The following ZSCAN26 variants were observed in gnomAD, a reference collection of about 807,000 sequenced individuals.
ZSCAN26 encodes the protein zinc finger and SCAN domain containing 26.
Under a neutral mutation model 23.0 loss-of-function variants are expected in ZSCAN26, and 26 were observed. The observed-to-expected ratio is 1.13, with a 90% CI of 0.83 to 1.57. The LOEUF (loss-of-function observed/expected upper bound fraction) is 1.57, where lower values mean the gene tolerates loss of function less well. Among genes scored for constraint, ZSCAN26 ranks in the 40% most tolerant of loss-of-function variants. The pLI is 0.00. For missense variants in ZSCAN26, 528 were observed against 568.5 expected (o/e 0.93, Z 0.72); for synonymous variants, 180 against 202.5 (o/e 0.89, Z 0.94).
chr6:28,275,005 A>G (rs1409972178), intron 3 of ZSCAN26, among the ~76,000 whole-genome samples: 1 of 152,092 alleles, frequency 6.6e-6, no homozygotes, highest in African/African-American at 2.4e-5. Context: ...ACATTATTAC[A>G]TTATTTAATT....
Position 28,277,945 on chromosome 6 carries a change from C to T in ZSCAN26, c.*849C>T, listed in dbSNP as rs1474984262. 1.3e-5 allele frequency: 2 copies of T among 152,154 alleles called. No homozygotes were observed. Among genetic ancestry groups the T allele is most frequent in the Non-Finnish European group, 2.9e-5 (2 of 68,026 alleles). 9.4% of individuals were successfully genotyped at this position (152,154 alleles called of 1,614,324 possible). A position where few individuals can be genotyped will look rare whatever the true frequency, so the allele number is the denominator to read the frequency against. On this transcript the variant is annotated 3_prime_UTR_variant, in exon 4 of 4. Coordinates refer to ENST00000421553, the MANE Select transcript of ZSCAN26 (RefSeq NM_001023560.4). The stretch of plus-strand genomic sequence containing the variant: ...GAAATTGGACTTTTTCCCTTTAATA[C>T]TGATGATGCAATTTTGAAATGTTGC...
chr6:28,275,730 A>C (rs1761903040), intron 3 of ZSCAN26, among the ~76,000 whole-genome samples: 1 of 152,186 alleles, frequency 6.6e-6, no homozygotes, highest in South Asian at 2.1e-4. Flanking sequence ...GATTTACCTT[A>C]CTTTTTTAAG....
chr6:28,272,592 C>T, intron 2 of ZSCAN26, 78 bp from the exon 3 acceptor site: 7 of 1,221,922 alleles, frequency 5.7e-6, no homozygotes, highest in South Asian at 2.9e-5. Context: ...TTTTTTAACA[C>T]CTAGGTGTTT....
chr6:28,271,690 A>G (rs1561873766), intron 1 of ZSCAN26, among the ~76,000 whole-genome samples, 164 bp from the exon 2 acceptor site: 1 of 152,186 alleles, frequency 6.6e-6, no homozygotes. Flanking sequence ...TCTACATTAG[A>G]TGGTATTCTG....
chr6:28,267,927 A>G (rs956436024), intron 1 of ZSCAN26, among the ~76,000 whole-genome samples: 5 of 152,330 alleles, frequency 3.3e-5, no homozygotes, highest in Non-Finnish European at 1.5e-5. Flanking sequence ...AGATAAGGAT[A>G]TCTTGAGCCA....
chr6:28,273,302 G>T (rs900627722), intron 3 of ZSCAN26, among the ~76,000 whole-genome samples: 2 of 152,146 alleles, frequency 1.3e-5, no homozygotes, highest in Non-Finnish European at 1.5e-5. Context: ...CAACACTTTG[G>T]GGGGCCAAGG....
intron 1 of ZSCAN26, among the ~76,000 whole-genome samples, chr6:28,269,435 A>G (rs961307440): frequency 6.6e-6 from 1 of 152,164 alleles, no homozygotes; most frequent in African/African-American, 2.4e-5. Context: ...GAGATTTACT[A>G]TAGGGAATTA....
rs752024303 is a variant in ZSCAN26 at position 28,276,739 on chromosome 6, C to T, written c.1083C>T (p.His361=). 6.2e-7 allele frequency: 1 copy of T among 1,613,734 alleles called. No individual in the cohort carries two copies. Among genetic ancestry groups the T allele is most frequent in the Non-Finnish European group, 8.5e-7 (1 of 1,179,780 alleles). ...SSHLNRHQRI[H]SQEEPCECKE... is the part of the protein sequence containing the mutation. ...ACCTTAATCGACATCAGAGAATTCA[C>T]AGTCAGGAGGAGCCCTGTGAGTGCA... The change falls in exon 4 of 4, where the codon CAC becomes CAT. Residue 361 remains histidine, a synonymous_variant. Coordinates refer to ENST00000421553, the MANE Select transcript of ZSCAN26 (RefSeq NM_001023560.4).
intron 2 of ZSCAN26, 148 bp downstream of exon 2, chr6:28,272,487 C>T: frequency 8.9e-7 from 1 of 1,120,988 alleles, no homozygotes; most frequent in Middle Eastern, 2.6e-4. Context: ...TAGGTCTTAC[C>T]TCAACCTTAC....
intron 2 of ZSCAN26, 21 bp from the exon 3 acceptor site, chr6:28,272,649 C>A: frequency 6.5e-7 from 1 of 1,548,082 alleles, no homozygotes; most frequent in East Asian, 2.3e-5. Flanking sequence ...ATTATGCCTC[C>A]ATATACCTAA....
chr6:28,269,678 T>C (rs1182920226), intron 1 of ZSCAN26, among the ~76,000 whole-genome samples: 1 of 152,208 alleles, frequency 6.6e-6, no homozygotes, highest in Non-Finnish European at 1.5e-5. Context: ...TGAAGCATTT[T>C]AGACAGGAAG....
rs1181570956 is a variant in ZSCAN26 at position 28,277,827 on chromosome 6, GAATT to G, written c.*735_*738del. On this transcript the variant is annotated 3_prime_UTR_variant, in exon 4 of 4. Transcript: ENST00000421553. ...ATGAGTAATTTGAATGAACCTTGCT[GAATT>G]AATCTGAATAGCAACTGTCTGACTT... is the stretch of plus-strand genomic sequence containing the variant. The G allele has an allele frequency of 6.6e-6, 1 of 152,198 alleles. No homozygotes were observed. The allele number at this position is 152,198 out of a possible 1,614,324, so 9.4% of individuals were successfully genotyped here.
chr6:28,277,116 A>G lies in ZSCAN26; in HGVS notation c.*20A>G. The G allele has an allele frequency of 6.3e-7, 1 of 1,593,864 alleles. No individual in the cohort carries two copies. Among genetic ancestry groups the G allele is most frequent in the Non-Finnish European group, 8.5e-7 (1 of 1,171,652 alleles). On this transcript the variant is annotated 3_prime_UTR_variant, in exon 4 of 4. Transcript: ENST00000421553. ...GCTTGATGAGGTGTTCTCTCCTTGT[A>G]GAACATCAGAGAAGGCACATTGACT... is the stretch of plus-strand genomic sequence containing the variant.
At position 28,277,203 on chromosome 6, in the gene ZSCAN26, G is replaced by A. The variant is rs1053217880; in HGVS notation, c.*107G>A. 3.3e-6 allele frequency: 4 copies of A among 1,228,678 alleles called. No homozygotes were observed. In the African/African-American group the frequency reaches 4.5e-5, roughly 14 times the overall value. The allele number at this position is 1,228,678 out of a possible 1,614,324, so 76.1% of individuals were successfully genotyped here. A position where few individuals can be genotyped will look rare whatever the true frequency, so the allele number is the denominator to read the frequency against. On this transcript the variant is annotated 3_prime_UTR_variant, in exon 4 of 4. Transcript: ENST00000421553. The stretch of plus-strand genomic sequence containing the variant: ...CTGTGGCATCAGAAAATTCTTGGGG[G>A]CTGAGTTGGAGGCTCCCTGCCTCTA...
rs898458957 is a variant in ZSCAN26 at position 28,271,894 on chromosome 6, AC to A, written c.-25del. ...TACAGTCCAAAGAAAGTTCTCCAAA[AC>A]AAGGAGAACAGTCTGAAGCTGGGGA... On this transcript the variant is annotated 5_prime_UTR_variant, in exon 2 of 4. Transcript: ENST00000421553. 3.5e-5 allele frequency: 54 copies of A among 1,522,048 alleles called. No individual in the cohort carries two copies. Among genetic ancestry groups the A allele is most frequent in the Non-Finnish European group, 4.7e-5 (53 of 1,134,644 alleles). The allele number at this position is 1,522,048 out of a possible 1,614,324, so 94.3% of individuals were successfully genotyped here.
Position 28,272,275 on chromosome 6 carries a change from G to C in ZSCAN26, c.356G>C (p.Arg119Thr). 1 of 1,601,466 alleles carries C rather than the reference G, an allele frequency of 6.2e-7. No individual in the cohort carries two copies. The highest frequency in any genetic ancestry group is 1.1e-5 in the South Asian group (1 of 89,238). ...GTGCAGGAGCATCACCCAGAGAGCA[G>C]GGAGGACGTGGTTGTTGTTCTGGAG... Reference protein sequence around the residue: ...ARVQEHHPESREDVVVVLEDL... With the variant: ...ARVQEHHPESTEDVVVVLEDL... Residue 119 changes from arginine to threonine, a missense_variant, in exon 2 of 4, where the codon AGG becomes ACG. Coordinates refer to ENST00000421553, the MANE Select transcript of ZSCAN26 (RefSeq NM_001023560.4).
chr6:28,277,104 TTC>T lies in ZSCAN26; in HGVS notation c.*13_*14del. The T allele has an allele frequency of 6.2e-7, 1 of 1,608,118 alleles. No homozygotes were observed. Among genetic ancestry groups the T allele is most frequent in the South Asian group, 1.1e-5 (1 of 90,486 alleles). On this transcript the variant is annotated 3_prime_UTR_variant, in exon 4 of 4. Coordinates refer to ENST00000421553, the MANE Select transcript of ZSCAN26 (RefSeq NM_001023560.4). ...AAAGACAAACTGGCTTGATGAGGTGTTCTCTCCTTGTAGAACATCAGAGAAGG... is the reference window on the plus strand; with the variant it reads ...AAAGACAAACTGGCTTGATGAGGTGTTCTCCTTGTAGAACATCAGAGAAGG...
At chr6:28,270,924 C>T (rs1404694071) in intron 1 of ZSCAN26, among the ~76,000 whole-genome samples, 1 of 152,224 alleles carries the variant, frequency 6.6e-6, no homozygotes, top group East Asian at 1.9e-4. Flanking sequence ...CCTTATAAAT[C>T]AGTGAATTCC....
At chr6:28,276,115 T>A (rs1487197727) in intron 3 of ZSCAN26, 80 bp from the exon 4 acceptor site, 108 of 1,311,442 alleles carry the variant, frequency 8.2e-5, no homozygotes, top group South Asian at 3.3e-4. Flanking sequence ...TTCATTATAT[T>A]TTTTTTTCCT....
Sources: gnomAD v4.1 joint callset for allele counts (sites outside exome capture counted in the v4.1 genomes callset) on GRCh38, gnomAD v4.1.1 for gene constraint, MANE v1.5 for transcripts, NCBI Gene and HGNC (gene_info 2026-07-23, HGNC 2026-07-21) for gene names.